The following FAR2 variants were observed in gnomAD, a reference collection of about 807,000 sequenced individuals.
FAR2 encodes the protein epididymis secretory protein Li 81.
In FAR2, 19 loss-of-function variants were observed where a neutral mutation model predicts 56.0. The ratio of observed to expected loss-of-function variants is 0.34; its 90% CI spans 0.24 to 0.50. FAR2 has a LOEUF of 0.50. Among genes scored for constraint, FAR2 ranks in the 20% least tolerant of loss-of-function variants. The pLI is 0.98. For missense variants in FAR2, 508 were observed against 642.2 expected (o/e 0.79, Z 2.26); for synonymous variants, 219 against 218.8 (o/e 1.00, Z -0.01).
At chr12:29,322,242 G>A (rs1949564201) in intron 10 of FAR2, among the ~76,000 whole-genome samples, 1 of 151,928 alleles carries the variant, frequency 6.6e-6, no homozygotes, top group African/African-American at 2.4e-5. Context: ...AGTACCTCTG[G>A]GTGGCTGTGT....
Position 29,175,530 on chromosome 12 carries a change from G to A in FAR2, c.-39+26123G>A, listed in dbSNP as rs117821666. 7.7e-3 allele frequency among the ~76,000 whole-genome samples: 1,176 copies of A among 152,376 alleles called. 8 individuals are homozygous for A. Among genetic ancestry groups the A allele is most frequent in the Non-Finnish European group, 0.011 (733 of 68,042 alleles). On this transcript the variant is annotated intron_variant, in intron 1 of 11. Transcript: ENST00000536681. Reference sequence around the variant, plus strand: ...CCTCAATGTGAAAGGGGACCTGAGCGTGTTGCAGTTGCTGGCTGGGGTGGC... The same window carrying A: ...CCTCAATGTGAAAGGGGACCTGAGCATGTTGCAGTTGCTGGCTGGGGTGGC...
At position 29,297,193 on chromosome 12, in the gene FAR2, T is replaced by C; in HGVS notation, c.538T>C (p.Ser180Pro). 1 of 1,611,360 alleles carries C rather than the reference T, an allele frequency of 6.2e-7. No individual in the cohort carries two copies. Among genetic ancestry groups the C allele is most frequent in the Non-Finnish European group, 8.5e-7 (1 of 1,179,172 alleles). The stretch of plus-strand genomic sequence containing the variant: ...TGTGGAGCCAAAAAAAATCATTGAT[T>C]CCCTTGAGTAAGTTGGTCTAATAAA... ...CPVEPKKIID[S>P]LEWLDDAIID... is the part of the protein sequence containing the mutation. Residue 180 changes from serine (S) to proline (P), a missense_variant, in exon 4 of 12, where the codon TCC becomes CCC. By Grantham distance (74) the Ser-to-Pro change is moderately conservative. Transcript: ENST00000536681.
intron 1 of FAR2, among the ~76,000 whole-genome samples, chr12:29,262,357 G>A (rs114134110): frequency 2.5e-3 from 382 of 152,264 alleles, no homozygotes; most frequent in African/African-American, 8.2e-3. Flanking sequence ...AAGGCTTGGC[G>A]TGGTGGCTCA....
intron 4 of FAR2, among the ~76,000 whole-genome samples, chr12:29,303,485 G>A (rs1005193505): frequency 1.1e-4 from 16 of 152,074 alleles, no homozygotes; most frequent in African/African-American, 3.4e-4. Flanking sequence ...ATGCTTCTGA[G>A]GCTACACAGT....
At chr12:29,211,072 C>T (rs1947541097) in intron 1 of FAR2, among the ~76,000 whole-genome samples, 1 of 151,886 alleles carries the variant, frequency 6.6e-6, no homozygotes. Flanking sequence ...TTTCATGAAA[C>T]TGATCTCTGT....
intron 10 of FAR2, among the ~76,000 whole-genome samples, chr12:29,327,556 A>C (rs969117006): frequency 6.6e-5 from 10 of 152,216 alleles, no homozygotes; most frequent in Admixed American, 1.3e-4. Context: ...CAAAACAGAG[A>C]TAGAGACCAA....
chr12:29,170,473 A>C (rs1193295557), intron 1 of FAR2, among the ~76,000 whole-genome samples: 1 of 152,248 alleles, frequency 6.6e-6, no homozygotes, highest in Non-Finnish European at 1.5e-5. Context: ...AAGACCTTCA[A>C]TTATCAATTA....
chr12:29,264,318 A>C (rs774564472), intron 1 of FAR2, among the ~76,000 whole-genome samples: 1 of 152,224 alleles, frequency 6.6e-6, no homozygotes, highest in Non-Finnish European at 1.5e-5. Flanking sequence ...TAGAAGGAAC[A>C]TACCTCAACA....
chr12:29,217,464 G>A (rs12300384), intron 1 of FAR2, among the ~76,000 whole-genome samples: 7,796 of 152,218 alleles, frequency 0.051, 515 homozygotes, highest in African/African-American at 0.15. Context: ...GGAAGCTGGA[G>A]GTGGGGTTAG....
intron 1 of FAR2, among the ~76,000 whole-genome samples, chr12:29,241,676 C>T (rs930672236): frequency 4.6e-5 from 7 of 152,210 alleles, no homozygotes; most frequent in Non-Finnish European, 8.8e-5. Context: ...AATCTCCCTT[C>T]CTTTCCCAGA....
At chr12:29,183,697 G>A (rs933397633) in intron 1 of FAR2, among the ~76,000 whole-genome samples, 1 of 152,110 alleles carries the variant, frequency 6.6e-6, no homozygotes, top group Non-Finnish European at 1.5e-5. Flanking sequence ...GTGTTTTGTA[G>A]TACAGCTTTT....
chr12:29,157,251 A>C (rs1387961194), intron 1 of FAR2, among the ~76,000 whole-genome samples: 1 of 151,520 alleles, frequency 6.6e-6, no homozygotes, highest in Non-Finnish European at 1.5e-5. Flanking sequence ...ACTAAGAATA[A>C]CATTTGCTTG....
intron 1 of FAR2, among the ~76,000 whole-genome samples, chr12:29,210,292 GT>G (rs1947529321): frequency 6.6e-6 from 1 of 152,022 alleles, no homozygotes. Flanking sequence ...AAGCTAGACA[GT>G]TTATCAGTGT....
intron 4 of FAR2, among the ~76,000 whole-genome samples, chr12:29,298,036 CAAAAAAA>C (rs71042980): frequency 8.1e-5 from 10 of 123,600 alleles, no homozygotes; most frequent in Admixed American, 9.0e-5. Flanking sequence ...AACTCCGTCT[CAAAAAAA>C]AAAAAAAAAA....
Position 29,334,783 on chromosome 12 carries a change from T to G in FAR2, c.*989T>G, listed in dbSNP as rs1402793766. The stretch of plus-strand genomic sequence containing the variant: ...CTTATGTGATCACCAAAGGATTTAC[T>G]AGTATCTTGGTCATTCCAATTGCAC... On this transcript the variant is annotated 3_prime_UTR_variant, in exon 12 of 12. Coordinates refer to ENST00000536681, the MANE Select transcript of FAR2 (RefSeq NM_001271783.2). 1.2e-4 allele frequency: 18 copies of G among 152,210 alleles called. No individual in the cohort carries two copies. The highest frequency in any genetic ancestry group is 1.2e-3 in the Admixed American group (18 of 15,278). The allele number at this position is 152,210 out of a possible 1,614,324, so 9.4% of individuals were successfully genotyped here.
At position 29,224,896 on chromosome 12, in the gene FAR2, G is replaced by T. The variant is rs1171131910; in HGVS notation, c.-38-45516G>T. ...TAATTGCCTTGTATCCTTCCTTGAG[G>T]CAAAGGCATATAAAAATAACATGAA... On this transcript the variant is annotated intron_variant, in intron 1 of 11. Transcript: ENST00000536681. 2.0e-5 allele frequency among the ~76,000 whole-genome samples: 3 copies of T among 152,098 alleles called. No homozygotes were observed. In the East Asian group the frequency reaches 5.8e-4, roughly 29 times the overall value.
At chr12:29,319,093 C>T (rs926150303) in intron 9 of FAR2, among the ~76,000 whole-genome samples, 24 of 151,632 alleles carry the variant, frequency 1.6e-4, no homozygotes, top group Non-Finnish European at 2.6e-4. Context: ...TGGGTTCAAG[C>T]GATTCTCCTG....
chr12:29,168,764 A>C (rs1275887125), intron 1 of FAR2, among the ~76,000 whole-genome samples: 1 of 152,212 alleles, frequency 6.6e-6, no homozygotes, highest in Non-Finnish European at 1.5e-5. Context: ...CCAAAGAGTG[A>C]GCAACAGCAA....
intron 10 of FAR2, among the ~76,000 whole-genome samples, chr12:29,323,097 G>A (rs956130391): frequency 6.6e-6 from 1 of 152,238 alleles, no homozygotes; most frequent in Admixed American, 6.5e-5. Context: ...GGCACACCAT[G>A]TGCGGGAGCA....
Sources: allele counts gnomAD v4.1 joint callset (sites outside exome capture counted in the v4.1 genomes callset), GRCh38; gene constraint gnomAD v4.1.1; transcripts MANE v1.5; gene names NCBI Gene and HGNC (gene_info 2026-07-23, HGNC 2026-07-21).